GRID2: variants seen among roughly 807,000 people sequenced by gnomAD.
The protein encoded by GRID2 is glutamate receptor ionotropic, delta-2.
Under a neutral mutation model 114.8 loss-of-function variants are expected in GRID2, and 33 were observed. The ratio of observed to expected loss-of-function variants is 0.29; its 90% CI spans 0.22 to 0.38. The LOEUF is 0.38. Ranked by LOEUF, GRID2 falls within the 10% of genes least tolerant of loss-of-function variation. The probability of loss-of-function intolerance (pLI) is 1.00; values close to 1 mark genes in which losing one functional copy is unlikely to be tolerated. For synonymous variants in GRID2, 505 were observed against 449.9 expected (o/e 1.12, Z -1.55); for missense variants, 1,184 against 1,257.7 (o/e 0.94, Z 0.89).
intron 2 of GRID2, among the ~76,000 whole-genome samples, chr4:92,698,637 TAAAA>T (rs952387682): frequency 6.8e-6 from 1 of 147,400 alleles, no homozygotes; most frequent in East Asian, 2.0e-4. Context: ...ATCTTGCCTT[TAAAA>T]AAAAAAGAAT....
intron 14 of GRID2, among the ~76,000 whole-genome samples, chr4:93,671,207 T>C (rs1016042738): frequency 6.6e-6 from 1 of 152,084 alleles, no homozygotes; most frequent in Admixed American, 6.5e-5. Context: ...CTGAGCAGAG[T>C]GACGTTCTAA....
intron 2 of GRID2, among the ~76,000 whole-genome samples, chr4:92,671,335 G>A (rs184667529): frequency 1.3e-5 from 2 of 152,096 alleles, no homozygotes; most frequent in Admixed American, 1.3e-4. Flanking sequence ...CAACACTTGG[G>A]ATCACAATTC....
chr4:92,712,855 A>C (rs2149310962), intron 2 of GRID2, among the ~76,000 whole-genome samples: 1 of 152,318 alleles, frequency 6.6e-6, no homozygotes, highest in African/African-American at 2.4e-5. Context: ...GAATATTAAA[A>C]ATAAATGTTA....
At chr4:92,351,980 A>T (rs1398624046) in intron 1 of GRID2, among the ~76,000 whole-genome samples, 3 of 151,832 alleles carry the variant, frequency 2.0e-5, no homozygotes, top group South Asian at 2.1e-4. Context: ...GGCAGATATC[A>T]TTTCGATGTA....
chr4:93,675,621 G>T (rs1724785069), intron 14 of GRID2, among the ~76,000 whole-genome samples: 1 of 152,162 alleles, frequency 6.6e-6, no homozygotes, highest in Non-Finnish European at 1.5e-5. Context: ...AATGAGTCAA[G>T]GTACTGCAGG....
At chr4:93,610,840 G>A (rs375604291) in intron 13 of GRID2, among the ~76,000 whole-genome samples, 1 of 128,920 alleles carries the variant, frequency 7.8e-6, no homozygotes, top group South Asian at 2.6e-4. Context: ...AAATGAGTTA[G>A]GGAGGATTCC....
intron 1 of GRID2, among the ~76,000 whole-genome samples, chr4:92,497,276 A>C (rs939791788): frequency 6.6e-6 from 1 of 151,812 alleles, no homozygotes; most frequent in African/African-American, 2.4e-5. Context: ...CATATTTAGC[A>C]GGTGGTATCT....
At chr4:93,788,029 G>T (rs184959348) in intron 1 of GRID2, among the ~76,000 whole-genome samples, 2 of 152,068 alleles carry the variant, frequency 1.3e-5, no homozygotes, top group Admixed American at 1.3e-4. Flanking sequence ...ACAATGTAAC[G>T]CCTAAGGCTG....
chr4:92,605,618 GAGT>G (rs1286518748), intron 2 of GRID2, among the ~76,000 whole-genome samples: 1 of 152,092 alleles, frequency 6.6e-6, no homozygotes, highest in Non-Finnish European at 1.5e-5. Flanking sequence ...ATTTCAGGTT[GAGT>G]AGTAGACAGA....
intron 13 of GRID2, among the ~76,000 whole-genome samples, chr4:93,577,148 T>C (rs1736502634): frequency 6.6e-6 from 1 of 152,176 alleles, no homozygotes; most frequent in African/African-American, 2.4e-5. Context: ...ATGTATTAAG[T>C]GTTTACACTC....
chr4:93,390,697 A>G (rs891020670), intron 8 of GRID2, among the ~76,000 whole-genome samples: 1 of 152,172 alleles, frequency 6.6e-6, no homozygotes, highest in African/African-American at 2.4e-5. Flanking sequence ...TAAAAATAGG[A>G]TATCATTAAA....
chr4:93,272,224 C>T (rs1024325043), intron 8 of GRID2, among the ~76,000 whole-genome samples: 1 of 152,208 alleles, frequency 6.6e-6, no homozygotes, highest in Admixed American at 6.5e-5. Context: ...AATCCCACTT[C>T]TTGCATCGAA....
chr4:92,699,541 C>G (rs1734570156), intron 2 of GRID2, among the ~76,000 whole-genome samples: 1 of 152,100 alleles, frequency 6.6e-6, no homozygotes, highest in Admixed American at 6.5e-5. Flanking sequence ...CAAAGGGAGG[C>G]TTTATCACTG....
At chr4:93,646,360 GAT>G (rs1357832038) in intron 14 of GRID2, among the ~76,000 whole-genome samples, 2 of 152,078 alleles carry the variant, frequency 1.3e-5, no homozygotes, top group African/African-American at 4.8e-5. Context: ...AGAAGCAACA[GAT>G]ATAAAAGCCC....
At chr4:93,290,129 A>G (rs147629578) in intron 8 of GRID2, among the ~76,000 whole-genome samples, 126 of 152,328 alleles carry the variant, frequency 8.3e-4, no homozygotes, top group Middle Eastern at 3.4e-3. Context: ...AAATCTGGCA[A>G]AACTGCCCGG....
At chr4:92,386,480 T>C (rs1409959541) in intron 1 of GRID2, among the ~76,000 whole-genome samples, 1 of 151,810 alleles carries the variant, frequency 6.6e-6, no homozygotes, top group Admixed American at 6.6e-5. Flanking sequence ...AGACATATTA[T>C]GGAAATAAAT....
intron 4 of GRID2, among the ~76,000 whole-genome samples, chr4:93,122,156 G>T (rs1030232073): frequency 2.0e-5 from 3 of 152,036 alleles, no homozygotes; most frequent in Admixed American, 2.0e-4. Flanking sequence ...TTTTTTAAAA[G>T]AATGCTTCTT....
At chr4:93,599,146 T>C (rs1266481966) in intron 13 of GRID2, among the ~76,000 whole-genome samples, 4 of 152,156 alleles carry the variant, frequency 2.6e-5, no homozygotes, top group African/African-American at 7.2e-5. Context: ...CCGAATAGAG[T>C]GCTGGTGCAC....
chr4:93,110,613 G>T, intron 3 of GRID2, 135 bp from the exon 4 acceptor site: 1 of 670,220 alleles, frequency 1.5e-6, no homozygotes. Context: ...TGAGAGTTCC[G>T]TCAGCTACTC....
Sources: gnomAD v4.1 joint callset for allele counts (sites outside exome capture counted in the v4.1 genomes callset) on GRCh38, gnomAD v4.1.1 for gene constraint, MANE v1.5 for transcripts, NCBI Gene and HGNC (gene_info 2026-07-23, HGNC 2026-07-21) for gene names.